The following MAPK6 variants were observed in gnomAD, a reference collection of about 807,000 sequenced individuals.
The protein encoded by MAPK6 is mitogen-activated protein kinase 6.
In MAPK6, 19 loss-of-function variants were observed where a neutral mutation model predicts 59.3. That is an observed-to-expected ratio of 0.32 (90% CI 0.22 to 0.47). The LOEUF (loss-of-function observed/expected upper bound fraction) is 0.47. MAPK6 is among the 20% of genes least tolerant of loss of function. The pLI, the probability that MAPK6 is intolerant of heterozygous loss-of-function variation, is 1.00. For synonymous variants in MAPK6, 316 were observed against 290.3 expected, an observed-to-expected ratio of 1.09 and a Z score of -0.90; for missense variants, 724 against 847.9, an observed-to-expected ratio of 0.85 and a Z score of 1.81.
chr15:51,996,765 T>C (rs1209437599), intron 2 of MAPK6, among the ~76,000 whole-genome samples: 6 of 151,904 alleles, frequency 3.9e-5, no homozygotes, highest in Non-Finnish European at 8.8e-5. Flanking sequence ...TGACCATAGA[T>C]CACTGCAGCC....
chr15:52,003,728 A>G (rs893176949), intron 2 of MAPK6, among the ~76,000 whole-genome samples: 4 of 152,274 alleles, frequency 2.6e-5, no homozygotes, highest in African/African-American at 7.2e-5. Context: ...ACACAAATTA[A>G]ATGTGACTGA....
At chr15:51,990,099 T>A (rs754889703) in intron 2 of MAPK6, among the ~76,000 whole-genome samples, 2 of 152,212 alleles carry the variant, frequency 1.3e-5, no homozygotes, top group Non-Finnish European at 2.9e-5. Flanking sequence ...ACTAATTTGG[T>A]GAAATCATTC....
At chr15:52,034,943 T>C (rs1156238626) in intron 1 of MAPK6, among the ~76,000 whole-genome samples, 1 of 151,468 alleles carries the variant, frequency 6.6e-6, no homozygotes, top group Non-Finnish European at 1.5e-5. Flanking sequence ...AGTGATCTGC[T>C]TGCTGGCCTC....
chr15:52,006,341 C>T (rs1269504514), intron 3 of MAPK6, among the ~76,000 whole-genome samples: 2 of 152,112 alleles, frequency 1.3e-5, no homozygotes, highest in Non-Finnish European at 2.9e-5. Context: ...ATAGATATAC[C>T]AGGTCATAGA....
At chr15:51,994,433 A>C (rs557957385) in intron 2 of MAPK6, among the ~76,000 whole-genome samples, 1 of 152,270 alleles carries the variant, frequency 6.6e-6, no homozygotes, top group East Asian at 1.9e-4. Context: ...TTATTTTTAT[A>C]GAATGTCTTT....
chr15:52,042,734 C>G (rs1404341214), intron 1 of MAPK6: 1 of 152,134 alleles, frequency 6.6e-6, no homozygotes, highest in East Asian at 1.9e-4. Context: ...TCTTACTGTT[C>G]TCATTTCATT....
At chr15:52,009,838 T>G (rs56677715) in intron 3 of MAPK6, among the ~76,000 whole-genome samples, 3,511 of 152,200 alleles carry the variant, frequency 0.023, 97 homozygotes, top group East Asian at 0.076. Context: ...AGTGGTGCTA[T>G]CTTGGCTCAC....
intron 3 of MAPK6, among the ~76,000 whole-genome samples, chr15:52,058,264 C>T (rs932819901): frequency 3.3e-5 from 5 of 152,152 alleles, no homozygotes; most frequent in Admixed American, 6.5e-5. Context: ...GAAATAAAGT[C>T]CTAAGAGATG....
At chr15:52,062,662 G>A (rs899486008) in intron 5 of MAPK6, among the ~76,000 whole-genome samples, 1 of 152,186 alleles carries the variant, frequency 6.6e-6, no homozygotes, top group African/African-American at 2.4e-5. Context: ...CTACTCAGGA[G>A]GCTGAGGCAG....
intron 3 of MAPK6, among the ~76,000 whole-genome samples, chr15:52,054,095 C>T (rs370333149): frequency 1.8e-4 from 28 of 151,834 alleles, no homozygotes; most frequent in South Asian, 6.3e-4. Context: ...CAGCTGGGCG[C>T]GGTGGCTCAC....
In MAPK6 at chr15:51,982,591, G is replaced by A. The variant is rs1467878294; in HGVS notation, c.-879-615G>A. Among the ~76,000 whole-genome samples, 35 of 152,104 alleles carry A rather than the reference G, an allele frequency of 2.3e-4. 1 individual carries two copies. Among genetic ancestry groups the A allele is most frequent in the Admixed American group, 2.3e-3 (35 of 15,262 alleles). On this transcript the variant is annotated intron_variant, in intron 1 of 7. Coordinates refer to the MAPK6 transcript ENST00000691380. ...TGGTGGTGAAGGAGGTCTTAGATAA[G>A]AGGAGACTTGAAGAATACTGCCTTT... is the stretch of plus-strand genomic sequence containing the variant.
At chr15:52,036,402 C>T (rs374661758) in intron 1 of MAPK6, among the ~76,000 whole-genome samples, 2 of 152,144 alleles carry the variant, frequency 1.3e-5, no homozygotes, top group Non-Finnish European at 1.5e-5. Flanking sequence ...TTATTTCTTA[C>T]AGTTCTGGAG....
Position 52,041,379 on chromosome 15 carries a change from A to G in MAPK6, c.-631-4451A>G, listed in dbSNP as rs150759794. ...GCCCAGCTAATTTTGTATTTTTAGT[A>G]GAGATGGGGTTTCTCCACGTTGATC... On this transcript the variant is annotated intron_variant, in intron 1 of 5. Transcript: ENST00000261845. Among the ~76,000 whole-genome samples the G allele has an allele frequency of 4.8e-3, 727 of 152,194 alleles. 6 individuals carry two copies. Among genetic ancestry groups the G allele is most frequent in the African/African-American group, 0.017 (692 of 41,548 alleles).
chr15:52,053,175 C>T (rs1255680489), intron 3 of MAPK6, among the ~76,000 whole-genome samples: 1 of 145,450 alleles, frequency 6.9e-6, no homozygotes, highest in Non-Finnish European at 1.5e-5. Context: ...CAGGTTCAAA[C>T]AGTTCTCCTG....
chr15:51,978,986 C>T (rs770552461), intron 1 of MAPK6, among the ~76,000 whole-genome samples: 1 of 151,342 alleles, frequency 6.6e-6, no homozygotes, highest in Non-Finnish European at 1.5e-5. Flanking sequence ...TGGCTCACCC[C>T]TGTAGTCCCA....
chr15:52,024,360 G>C (rs953083851), intron 1 of MAPK6, among the ~76,000 whole-genome samples: 3 of 151,732 alleles, frequency 2.0e-5, no homozygotes, highest in African/African-American at 7.3e-5. Context: ...TCAGTCCTAC[G>C]GTCCTACTGA....
chr15:52,062,753 A>G (rs113307507), intron 5 of MAPK6, among the ~76,000 whole-genome samples: 1,741 of 152,298 alleles, frequency 0.011, 37 homozygotes, highest in African/African-American at 0.04. Flanking sequence ...CGACAGAGCA[A>G]GACTCCGTTT....
At chr15:52,001,048 A>T (rs75624087) in intron 2 of MAPK6, among the ~76,000 whole-genome samples, 2,492 of 152,226 alleles carry the variant, frequency 0.016, 30 homozygotes, top group African/African-American at 0.034. Flanking sequence ...TGCCAATGTG[A>T]TAGCATTAAG....
chr15:51,999,281 G>A (rs554822022), intron 2 of MAPK6, among the ~76,000 whole-genome samples: 57 of 152,244 alleles, frequency 3.7e-4, no homozygotes, highest in African/African-American at 1.3e-3. Context: ...TTATAGGTGT[G>A]AGCCACCGCG....
Sources: allele counts gnomAD v4.1 joint callset (sites outside exome capture counted in the v4.1 genomes callset), GRCh38; gene constraint gnomAD v4.1.1; transcripts MANE v1.5; gene names NCBI Gene and HGNC (gene_info 2026-07-23, HGNC 2026-07-21).